CPEB2: variants seen among roughly 807,000 people sequenced by gnomAD.
CPEB2 encodes cytoplasmic polyadenylation element-binding protein 2.
A neutral mutation model predicts 93.6 loss-of-function variants in CPEB2; 56 were observed. That is an observed-to-expected ratio of 0.60 (90% CI 0.48 to 0.75). The LOEUF (loss-of-function observed/expected upper bound fraction) is 0.75, where lower values mean the gene tolerates loss of function less well. Ranked by LOEUF, CPEB2 falls within the 30% of genes least tolerant of loss-of-function variation. The pLI is 0.00. For missense variants in CPEB2, 1,579 were observed against 1,395.1 expected (o/e 1.13, Z -2.10); for synonymous variants, 764 against 586.3 (o/e 1.30, Z -4.38).
intron 3 of CPEB2, among the ~76,000 whole-genome samples, chr4:15,016,351 A>T (rs1023323324): frequency 6.6e-6 from 1 of 152,052 alleles, no homozygotes; most frequent in Non-Finnish European, 1.5e-5. Flanking sequence ...TACACTGAGT[A>T]TGTATTGAAC....
At chr4:15,023,953 T>C (rs1403315745) in intron 4 of CPEB2, among the ~76,000 whole-genome samples, 2 of 152,118 alleles carry the variant, frequency 1.3e-5, no homozygotes, top group East Asian at 1.9e-4. Flanking sequence ...ATAATATTCA[T>C]AGATGAACCT....
In CPEB2 at chr4:15,066,558, C is replaced by A; in HGVS notation, c.*178C>A. 1.8e-6 allele frequency: 1 copy of A among 557,526 alleles called. No homozygotes were observed. Among genetic ancestry groups the A allele is most frequent in the Non-Finnish European group, 3.2e-6 (1 of 314,448 alleles). 34.5% of individuals were successfully genotyped at this position (557,526 alleles called of 1,614,324 possible). On this transcript the variant is annotated 3_prime_UTR_variant, in exon 12 of 12. Transcript: ENST00000538197. ...ACAAGCCTCTTGTTTTTCACCAAAA[C>A]CCTACATCTCAGGCTTACTAATTTT...
intron 6 of CPEB2, among the ~76,000 whole-genome samples, chr4:15,042,659 C>G (rs1727299636): frequency 6.6e-6 from 1 of 152,190 alleles, no homozygotes; most frequent in African/African-American, 2.4e-5. Context: ...GAAAGGCACA[C>G]TCATTAGAAA....
At position 15,003,134 on chromosome 4, in the gene CPEB2, C is replaced by T. The variant is rs1560204087; in HGVS notation, c.461C>T (p.Ser154Phe). ...LHHPSSSSAS[S>F]CCCCRTSSPQ... ...CACCCCTCCTCCTCCTCCGCCTCCT[C>T]CTGCTGCTGCTGCCGCACCTCCTCC... Residue 154 changes from serine to phenylalanine, a missense_variant, in exon 1 of 12, where the codon TCC (serine) becomes TTC (phenylalanine). Transcript: ENST00000538197. 2 of 1,532,772 alleles carry T rather than the reference C, an allele frequency of 1.3e-6. No individual in the cohort carries two copies. Among genetic ancestry groups the T allele is most frequent in the Non-Finnish European group, 1.7e-6 (2 of 1,145,750 alleles). The allele number at this position is 1,532,772 out of a possible 1,614,324, so 94.9% of individuals were successfully genotyped here.
In CPEB2 at chr4:15,052,494, A is replaced by C. The variant is rs761563309; in HGVS notation, c.2281A>C (p.Thr761Pro). The C allele has an allele frequency of 6.3e-7, 1 of 1,598,482 alleles. No homozygotes were observed. Among genetic ancestry groups the C allele is most frequent in the Non-Finnish European group, 8.5e-7 (1 of 1,170,252 alleles). Residue 761 changes from threonine to proline, a missense_variant, in exon 7 of 12, where the codon ACC becomes CCC. This residue lies in a region of CPEB2 where 1,411 missense variants were observed against 1,056.0 expected (regional missense o/e 1.34). Transcript: ENST00000538197. ...TCAAGTTGGAGTTTTAAATTCACCC[A>C]CCTGTTATTCAGCTCACCAAAATGG... ...SDQVGVLNSP[T>P]CYSAHQNGER...
chr4:15,045,698 T>TA (rs1413150715), intron 6 of CPEB2, among the ~76,000 whole-genome samples: 1 of 152,172 alleles, frequency 6.6e-6, no homozygotes, highest in Non-Finnish European at 1.5e-5. Context: ...AGGGTTCTCT[T>TA]ACTGATTTTA....
chr4:15,054,094 T>A, intron 7 of CPEB2, 34 bp from the exon 8 acceptor site: 1 of 1,433,458 alleles, frequency 7.0e-7, no homozygotes, highest in Non-Finnish European at 9.7e-7. Context: ...TCACTGAAAC[T>A]AATTTCTAAT....
At chr4:15,060,297 T>C (rs1334183301) in intron 10 of CPEB2, among the ~76,000 whole-genome samples, 1 of 152,154 alleles carries the variant, frequency 6.6e-6, no homozygotes, top group East Asian at 1.9e-4. Context: ...AGAGCAAGGG[T>C]AAACCATTGA....
At chr4:15,020,628 A>C (rs1560225230) in intron 4 of CPEB2, among the ~76,000 whole-genome samples, 1 of 152,070 alleles carries the variant, frequency 6.6e-6, no homozygotes, top group Non-Finnish European at 1.5e-5. Context: ...AGCAGGTAGG[A>C]AGGGTCTAGT....
At chr4:15,047,712 TTTAAA>T (rs1179946378) in intron 6 of CPEB2, among the ~76,000 whole-genome samples, 1 of 152,054 alleles carries the variant, frequency 6.6e-6, no homozygotes, top group East Asian at 1.9e-4. Context: ...TGTTCATGAC[TTTAAA>T]TTATTTTTTT....
Position 15,004,158 on chromosome 4 carries a change from C to A in CPEB2, c.1485C>A (p.Thr495=), listed in dbSNP as rs1560208562. The A allele has an allele frequency of 2.1e-6, 3 of 1,441,578 alleles. No individual in the cohort carries two copies. Among genetic ancestry groups the A allele is most frequent in the Non-Finnish European group, 2.7e-6 (3 of 1,105,904 alleles). The allele number at this position is 1,441,578 out of a possible 1,614,324, so 89.3% of individuals were successfully genotyped here. ...GCTTCGGCGGCCCCTTCTCGGCTAC[C>A]GCTGTGCCCCCTCCGCCGCCGCCCG... The part of the protein sequence containing the change: ...GGGFGGPFSA[T]AVPPPPPPAM... The change falls in exon 1 of 12, where the codon ACC becomes ACA. Residue 495 remains threonine, a synonymous_variant. Coordinates refer to ENST00000538197, the MANE Select transcript of CPEB2 (RefSeq NM_001177382.2).
chr4:15,049,396 A>ATTGT (rs1252928513), intron 6 of CPEB2, among the ~76,000 whole-genome samples: 3 of 152,086 alleles, frequency 2.0e-5, no homozygotes, highest in African/African-American at 7.2e-5. Flanking sequence ...TAAAGTGAAA[A>ATTGT]ACTTTCCAAA....
intron 8 of CPEB2, among the ~76,000 whole-genome samples, chr4:15,056,471 A>G (rs952510585): frequency 2.6e-5 from 4 of 152,198 alleles, no homozygotes; most frequent in East Asian, 3.8e-4. Context: ...TATTGTTGCT[A>G]TCGTTATTGT....
At chr4:15,031,917 A>G (rs938505290) in intron 4 of CPEB2, among the ~76,000 whole-genome samples, 1 of 152,004 alleles carries the variant, frequency 6.6e-6, no homozygotes, top group African/African-American at 2.4e-5. Flanking sequence ...TGAGGTGGTA[A>G]AGGTAGATGC....
intron 4 of CPEB2, among the ~76,000 whole-genome samples, chr4:15,024,631 T>C (rs1725223949): frequency 6.6e-6 from 1 of 152,148 alleles, no homozygotes; most frequent in Admixed American, 6.6e-5. Context: ...CATACGTACC[T>C]TCCTTCCTGC....
intron 4 of CPEB2, among the ~76,000 whole-genome samples, chr4:15,026,420 G>A (rs991190545): frequency 1.3e-5 from 2 of 151,954 alleles, no homozygotes; most frequent in Non-Finnish European, 2.9e-5. Flanking sequence ...TAGAGATGGG[G>A]TTTCACCATG....
intron 6 of CPEB2, among the ~76,000 whole-genome samples, chr4:15,047,821 A>C (rs1295268889): frequency 4.0e-5 from 6 of 151,838 alleles, no homozygotes; most frequent in African/African-American, 1.2e-4. Flanking sequence ...CCATTTGATA[A>C]TTTATTATTA....
At chr4:15,030,146 A>G (rs1469587658) in intron 4 of CPEB2, among the ~76,000 whole-genome samples, 3 of 152,108 alleles carry the variant, frequency 2.0e-5, no homozygotes, top group Non-Finnish European at 2.9e-5. Flanking sequence ...AATTAGTTTT[A>G]TAGTAATGTG....
At chr4:15,025,142 T>G (rs1725306477) in intron 4 of CPEB2, among the ~76,000 whole-genome samples, 1 of 152,152 alleles carries the variant, frequency 6.6e-6, no homozygotes, top group Non-Finnish European at 1.5e-5. Context: ...TTCCATTGTT[T>G]TGTCTCTTGT....
Sources: gnomAD v4.1 joint callset for allele counts (sites outside exome capture counted in the v4.1 genomes callset) on GRCh38, gnomAD v4.1.1 for gene constraint, gnomAD v4.1.1 regional missense constraint, MANE v1.5 for transcripts, NCBI Gene and HGNC (gene_info 2026-07-23, HGNC 2026-07-21) for gene names.